Variants in FRMPD4 observed in about 807,000 individuals in gnomAD.
The protein encoded by FRMPD4 is FERM and PDZ domain-containing protein 4.
FRMPD4 carries 22 observed loss-of-function variants against 94.1 expected under a neutral mutation model. The ratio of observed to expected loss-of-function variants is 0.23; its 90% CI spans 0.17 to 0.33. The LOEUF (loss-of-function observed/expected upper bound fraction) is 0.33, where lower values mean the gene tolerates loss of function less well. Ranked by LOEUF, FRMPD4 falls within the 10% of genes least tolerant of loss-of-function variation. The probability of loss-of-function intolerance (pLI) is 1.00; values close to 1 mark genes in which losing one functional copy is unlikely to be tolerated. For synonymous variants in FRMPD4, 631 were observed against 548.6 expected (o/e 1.15, Z -2.10); for missense variants, 1,111 against 1,339.9 (o/e 0.83, Z 2.67).
At chrX:12,521,180 A>T (rs943541609) in intron 2 of FRMPD4, among the ~76,000 whole-genome samples, 3 of 112,414 alleles carry the variant, frequency 2.7e-5, no homozygotes. Flanking sequence ...TAGGTGGCTG[A>T]TAGGATTTGG....
At chrX:12,137,624 A>T (rs998822676), upstream of FRMPD4, among the ~76,000 whole-genome samples, 2 of 111,652 alleles carry the variant, frequency 1.8e-5, no homozygotes, top group African/African-American at 6.5e-5. Flanking sequence ...GAGGAAGAAG[A>T]AAAAGGGGCC....
chrX:12,364,695 T>C (rs991023078), intron 1 of FRMPD4, among the ~76,000 whole-genome samples: 2 of 111,273 alleles, frequency 1.8e-5, no homozygotes, highest in African/African-American at 6.6e-5. Context: ...GCAAGATGTG[T>C]CAGGTAGATG....
intron 7 of FRMPD4, among the ~76,000 whole-genome samples, chrX:12,689,715 A>G (rs1299270256): frequency 8.9e-6 from 1 of 112,700 alleles, no homozygotes; most frequent in Non-Finnish European, 1.9e-5. Context: ...TAGATAAACA[A>G]ATGGGTATGA....
chrX:12,387,468 C>T (rs757812597), intron 1 of FRMPD4, among the ~76,000 whole-genome samples: 5 of 111,803 alleles, frequency 4.5e-5, no homozygotes, highest in Non-Finnish European at 7.5e-5. Flanking sequence ...ATGAATCTCA[C>T]TCAGAGGCAG....
chrX:12,554,766 A>T (rs1419453776), intron 2 of FRMPD4, among the ~76,000 whole-genome samples: 2 of 111,578 alleles, frequency 1.8e-5, no homozygotes, highest in Non-Finnish European at 3.8e-5. Flanking sequence ...GGCACATGCC[A>T]CCATACCCAG....
intron 4 of FRMPD4, among the ~76,000 whole-genome samples, chrX:12,621,826 G>GAAAAT (rs2059291371): frequency 2.8e-5 from 1 of 35,443 alleles, no homozygotes; most frequent in Non-Finnish European, 4.9e-5. Context: ...AAAAAGAAAA[G>GAAAAT]AAAAGAAAGG....
intron 2 of FRMPD4, among the ~76,000 whole-genome samples, chrX:12,589,855 T>C (rs2148391894): frequency 8.9e-6 from 1 of 112,276 alleles, no homozygotes; most frequent in African/African-American, 3.2e-5. Context: ...CACTTCATTG[T>C]TGTGATTAAC....
intron 1 of FRMPD4, among the ~76,000 whole-genome samples, chrX:12,162,346 A>G (rs954000658): frequency 1.8e-5 from 2 of 112,234 alleles, no homozygotes. Context: ...CAAGCTTAAG[A>G]AAGTTGGTGA....
At chrX:12,620,301 A>G (rs1426448417) in intron 4 of FRMPD4, among the ~76,000 whole-genome samples, 1 of 111,998 alleles carries the variant, frequency 8.9e-6, no homozygotes, top group African/African-American at 3.2e-5. Flanking sequence ...AGTCCTTCCC[A>G]CCCAGGAAAC....
intron 2 of FRMPD4, among the ~76,000 whole-genome samples, chrX:12,553,433 C>CATATATATATATATATATATATAT (rs1257665252): frequency 1.0e-4 from 3 of 28,746 alleles, no homozygotes; most frequent in Non-Finnish European, 1.6e-4. Context: ...TATCCATATG[C>CATATATATATATATATATATATAT]CTATATATAT....
intron 1 of FRMPD4, among the ~76,000 whole-genome samples, chrX:12,213,043 CT>C (rs754933292): frequency 2.8e-4 from 31 of 111,598 alleles, no homozygotes; most frequent in African/African-American, 1.0e-3. Context: ...TCATTAATTT[CT>C]TTCTGAGACC....
At chrX:12,427,025 A>C (rs1424741914) in intron 1 of FRMPD4, among the ~76,000 whole-genome samples, 1 of 111,783 alleles carries the variant, frequency 8.9e-6, no homozygotes, top group Non-Finnish European at 1.9e-5. Flanking sequence ...GGTGAGAATT[A>C]GCTAAATTGA....
At chrX:11,928,616 A>C (rs2054102620) in intron 3 of FRMPD4, among the ~76,000 whole-genome samples, 2 of 112,076 alleles carry the variant, frequency 1.8e-5, no homozygotes, top group African/African-American at 6.5e-5. Context: ...AATAATAGAT[A>C]CTTGTGAGTC....
intron 1 of FRMPD4, among the ~76,000 whole-genome samples, chrX:12,376,646 G>GAC (rs112007203): frequency 0.063 from 6,967 of 110,093 alleles, 509 homozygotes; most frequent in African/African-American, 0.2. Context: ...CGTGCATGTG[G>GAC]ACACACACAC....
chrX:12,549,216 A>G (rs2058509075), intron 2 of FRMPD4, among the ~76,000 whole-genome samples: 1 of 111,833 alleles, frequency 8.9e-6, no homozygotes. Flanking sequence ...GTTCCATCAG[A>G]TTGGCTTGTG....
At chrX:12,680,155 AG>A in intron 5 of FRMPD4, among the ~76,000 whole-genome samples, 1 of 112,563 alleles carries the variant, frequency 8.9e-6, no homozygotes, top group South Asian at 3.7e-4. Flanking sequence ...CAAAAGCATC[AG>A]GAGCATTCCA....
At chrX:12,157,003 G>A (rs1362921754) in intron 1 of FRMPD4, among the ~76,000 whole-genome samples, 1 of 111,650 alleles carries the variant, frequency 9.0e-6, no homozygotes, top group Non-Finnish European at 1.9e-5. Flanking sequence ...ATGCTCACAT[G>A]TTAAATGAAT....
intron 1 of FRMPD4, among the ~76,000 whole-genome samples, chrX:12,353,043 TC>T (rs749781778): frequency 1.8e-5 from 2 of 111,995 alleles, no homozygotes; most frequent in South Asian, 7.5e-4. Context: ...GAAAAGCCAG[TC>T]GATAGCTCAT....
intron 2 of FRMPD4, among the ~76,000 whole-genome samples, chrX:12,537,414 T>C (rs1454725737): frequency 9.1e-6 from 1 of 110,096 alleles, no homozygotes; most frequent in African/African-American, 3.3e-5. Context: ...AACATTTTTA[T>C]GAAGTATATG....
Sources: allele counts gnomAD v4.1 joint callset (sites outside exome capture counted in the v4.1 genomes callset), GRCh38; gene constraint gnomAD v4.1.1; transcripts MANE v1.5; gene names NCBI Gene and HGNC (gene_info 2026-07-23, HGNC 2026-07-21).